Variants in ALPK1 observed in about 807,000 individuals in gnomAD.
The protein encoded by ALPK1 is alpha-protein kinase 1.
Under a neutral mutation model 120.6 loss-of-function variants are expected in ALPK1, and 110 were observed. The ratio of observed to expected loss-of-function variants is 0.91; its 90% confidence interval spans 0.78 to 1.07. The LOEUF is 1.07. ALPK1 is among the 50% of genes least tolerant of loss of function. ALPK1 has a pLI of 0.00. For synonymous variants in ALPK1, 582 were observed against 560.3 expected (o/e 1.04, Z -0.55); for missense variants, 1,498 against 1,483.9 (o/e 1.01, Z -0.16).
At chr4:112,411,747 A>C (rs1010052390) in intron 4 of ALPK1, 80 bp from the exon 5 acceptor site, 6 of 1,376,296 alleles carry the variant, frequency 4.4e-6, no homozygotes, top group Non-Finnish European at 6.0e-6. Flanking sequence ...GTATTAATGA[A>C]AATGCCTCCC....
intron 4 of ALPK1, among the ~76,000 whole-genome samples, chr4:112,400,192 T>C (rs575340220): frequency 7.0e-4 from 107 of 152,304 alleles, no homozygotes; most frequent in African/African-American, 2.3e-3. Context: ...ACAACATGTT[T>C]GGATGCAGAT....
At chr4:112,347,955 A>C (rs1730169653) in intron 2 of ALPK1, among the ~76,000 whole-genome samples, 2 of 152,236 alleles carry the variant, frequency 1.3e-5, no homozygotes, top group Non-Finnish European at 2.9e-5. Context: ...AGCTAAAAGC[A>C]AAGAATAGAA....
In ALPK1 at chr4:112,429,271, C is replaced by T; in HGVS notation, c.900+18C>T. On this transcript the variant is annotated intron_variant, in intron 10 of 15. Coordinates refer to ENST00000650871, the MANE Select transcript of ALPK1 (RefSeq NM_025144.4). ...CAGCTGTGGTAAACGAATGCAGCCGCTCCTCAAACCCCCACAGGACCTCTC... is the reference window on the plus strand; with the variant it reads ...CAGCTGTGGTAAACGAATGCAGCCGTTCCTCAAACCCCCACAGGACCTCTC... 1 of 1,590,442 alleles carries T rather than the reference C, an allele frequency of 6.3e-7. No homozygotes were observed. Among genetic ancestry groups the T allele is most frequent in the South Asian group, 1.1e-5 (1 of 89,806 alleles).
intron 2 of ALPK1, among the ~76,000 whole-genome samples, chr4:112,338,271 T>C (rs1018395904): frequency 6.6e-6 from 1 of 152,220 alleles, no homozygotes; most frequent in Admixed American, 6.5e-5. Context: ...CGGCCGTCAT[T>C]TTAATTTTTA....
At chr4:112,366,045 C>T (rs554733324) in intron 2 of ALPK1, among the ~76,000 whole-genome samples, 1 of 152,026 alleles carries the variant, frequency 6.6e-6, no homozygotes, top group Non-Finnish European at 1.5e-5. Context: ...TCTATATATA[C>T]AAAAATCAAC....
At position 112,384,486 on chromosome 4, in the gene ALPK1, G is replaced by A. The variant is rs184161510; in HGVS notation, c.276+1934G>A. On this transcript the variant is annotated intron_variant, in intron 4 of 15. Transcript: ENST00000650871. ...ATTTCTATGTAAATAGTCACATGTG[G>A]CCAGGGCTGCCATTTTATTGGACAG... 3.9e-5 allele frequency: 6 copies of A among 152,282 alleles called. No homozygotes were observed. The East Asian group carries it at 1.2e-3, about 29-fold the overall frequency. The allele number at this position is 152,282 out of a possible 1,614,324, so 9.4% of individuals were successfully genotyped here.
chr4:112,352,086 C>T (rs1191168865), intron 2 of ALPK1, among the ~76,000 whole-genome samples: 2 of 152,166 alleles, frequency 1.3e-5, no homozygotes, highest in East Asian at 1.9e-4. Flanking sequence ...CAATGGAGTC[C>T]CTGGTTCCAA....
chr4:112,335,518 G>A (rs1229070651), intron 2 of ALPK1, among the ~76,000 whole-genome samples: 1 of 152,108 alleles, frequency 6.6e-6, no homozygotes, highest in Non-Finnish European at 1.5e-5. Context: ...GGATAGAAAT[G>A]AACAAGCTCA....
At chr4:112,332,500 C>T (rs981188464) in intron 2 of ALPK1, among the ~76,000 whole-genome samples, 1 of 152,170 alleles carries the variant, frequency 6.6e-6, no homozygotes, top group Non-Finnish European at 1.5e-5. Context: ...AATTTATGCT[C>T]AGCAGATTCA....
intron 4 of ALPK1, among the ~76,000 whole-genome samples, chr4:112,394,430 G>C (rs1192247773): frequency 1.3e-5 from 2 of 152,120 alleles, no homozygotes; most frequent in African/African-American, 4.8e-5. Flanking sequence ...CCAGATAAAA[G>C]GTTTAGATGC....
chr4:112,412,440 T>C (rs550991089), intron 5 of ALPK1: 5 of 460,130 alleles, frequency 1.1e-5, no homozygotes, highest in South Asian at 3.1e-5. Context: ...AAGCTGACAA[T>C]AGAGCTGACA....
chr4:112,357,449 A>G (rs1578495816), intron 2 of ALPK1: 1 of 709,168 alleles, frequency 1.4e-6, no homozygotes, highest in Non-Finnish European at 2.5e-6. Flanking sequence ...CTGGAGCACC[A>G]CTGCAGCAGA....
chr4:112,377,926 G>T (rs750469990), intron 3 of ALPK1, 28 bp downstream of exon 3: 3 of 1,584,044 alleles, frequency 1.9e-6, no homozygotes, highest in South Asian at 1.1e-5. Context: ...GGCACCAGGG[G>T]TGAACCAGCA....
At chr4:112,353,884 TA>T (rs1469392185) in intron 2 of ALPK1, among the ~76,000 whole-genome samples, 1 of 150,362 alleles carries the variant, frequency 6.7e-6, no homozygotes, top group East Asian at 2.1e-4. Flanking sequence ...AATAAATAAA[TA>T]AATAAATAAA....
chr4:112,358,414 G>A, intron 2 of ALPK1: 1 of 638,372 alleles, frequency 1.6e-6, no homozygotes, highest in Non-Finnish European at 2.8e-6. Context: ...ATGCTGTCAG[G>A]GTGACTAAGT....
intron 2 of ALPK1, chr4:112,342,874 C>T (rs1331497466): frequency 2.6e-5 from 4 of 152,254 alleles, no homozygotes; most frequent in Admixed American, 2.6e-4. Flanking sequence ...GACTTGGGTA[C>T]TTTAGATCCA....
chr4:112,378,461 T>C (rs1404557372), intron 3 of ALPK1, among the ~76,000 whole-genome samples: 2 of 152,224 alleles, frequency 1.3e-5, no homozygotes, highest in Non-Finnish European at 2.9e-5. Context: ...TTTGCTCATT[T>C]TGTTCTTTGT....
At chr4:112,368,935 G>A (rs1731271894) in intron 2 of ALPK1, among the ~76,000 whole-genome samples, 1 of 152,164 alleles carries the variant, frequency 6.6e-6, no homozygotes, top group Admixed American at 6.5e-5. Flanking sequence ...TTACAAGACA[G>A]TGAAACCAGT....
chr4:112,350,482 G>A (rs149005135), intron 2 of ALPK1, among the ~76,000 whole-genome samples: 9 of 152,288 alleles, frequency 5.9e-5, no homozygotes, highest in Middle Eastern at 3.4e-3. Flanking sequence ...TTCTGACTCC[G>A]TTGGTATAAA....
Sources: allele counts gnomAD v4.1 joint callset (sites outside exome capture counted in the v4.1 genomes callset), GRCh38; gene constraint gnomAD v4.1.1; transcripts MANE v1.5; gene names NCBI Gene and HGNC (gene_info 2026-07-23, HGNC 2026-07-21).